SGCE: variants seen among roughly 807,000 people sequenced by gnomAD.
The protein encoded by SGCE is epsilon-sarcoglycan.
A neutral mutation model predicts 57.8 loss-of-function variants in SGCE; 26 were observed. The observed-to-expected ratio is 0.45, with a 90% CI of 0.33 to 0.62. The LOEUF is 0.62. Ranked by LOEUF, SGCE falls within the 20% of genes least tolerant of loss-of-function variation. The pLI is 0.02. For synonymous variants in SGCE, 183 were observed against 189.5 expected (o/e 0.97, Z 0.28); for missense variants, 468 against 548.6 (o/e 0.85, Z 1.47).
intron 1 of SGCE, 36 bp from the exon 2 acceptor site, chr7:94,629,877 C>A (rs746004264): frequency 1.2e-6 from 2 of 1,607,698 alleles, no homozygotes; most frequent in African/African-American, 2.7e-5. Flanking sequence ...GACAGAAAGA[C>A]AAATAATGAG....
chr7:94,623,514 T>C (rs1333147773), intron 3 of SGCE, 117 bp from the exon 4 acceptor site: 4 of 716,726 alleles, frequency 5.6e-6, no homozygotes, highest in Non-Finnish European at 7.3e-6. Context: ...TTTGTTGATA[T>C]ACTTACAAAA....
intron 8 of SGCE, 52 bp from the exon 9 acceptor site, chr7:94,599,015 G>A (rs1375002779): frequency 7.6e-7 from 1 of 1,323,948 alleles, no homozygotes; most frequent in Admixed American, 1.9e-5. Context: ...ATATTAGCCT[G>A]ATGGGTCATC....
chr7:94,607,769 G>C (rs549189185), intron 5 of SGCE, among the ~76,000 whole-genome samples: 1 of 152,116 alleles, frequency 6.6e-6, no homozygotes, highest in East Asian at 1.9e-4. Context: ...CATACTGGAA[G>C]TCCTAACTAA....
In SGCE at chr7:94,623,746, A is replaced by C. The variant is rs558518649; in HGVS notation, c.391-349T>G. 1.0e-5 allele frequency: 4 copies of C among 397,216 alleles called. 1 individual carries two copies. The South Asian group carries it at 3.8e-4, about 38-fold the overall frequency. The allele number at this position is 397,216 out of a possible 1,614,324, so 24.6% of individuals were successfully genotyped here. On this transcript the variant is annotated intron_variant, in intron 3 of 10. Coordinates refer to ENST00000648936, the MANE Select transcript of SGCE (RefSeq NM_003919.3). Reference sequence around the variant, plus strand: ...TGATGTTCTAAGATTTCAAAAAAAAAACAATAATTTTTGTACTTTTAAATG... The same window carrying C: ...TGATGTTCTAAGATTTCAAAAAAAACACAATAATTTTTGTACTTTTAAATG...
intron 9 of SGCE, among the ~76,000 whole-genome samples, chr7:94,591,787 GTGAAAAGACA>G (rs1434304732): frequency 6.6e-6 from 1 of 152,162 alleles, no homozygotes; most frequent in Admixed American, 6.6e-5. Flanking sequence ...GCTGGGCTAG[GTGAAAAGACA>G]TGGCTGGTTG....
intron 10 of SGCE, chr7:94,587,382 T>C (rs1227944701): frequency 9.2e-6 from 10 of 1,082,440 alleles, no homozygotes; most frequent in Non-Finnish European, 1.1e-5. Context: ...AGAAATTGCC[T>C]GCTTCCTACT....
At chr7:94,598,558 T>A (rs1485583241) in intron 9 of SGCE, 2 of 569,596 alleles carry the variant, frequency 3.5e-6, no homozygotes, top group East Asian at 3.1e-5. Flanking sequence ...GTATATGTAG[T>A]CTTGTTTGGA....
intron 9 of SGCE, among the ~76,000 whole-genome samples, chr7:94,594,768 T>G (rs576134302): frequency 1.3e-5 from 2 of 152,124 alleles, no homozygotes; most frequent in Non-Finnish European, 2.9e-5. Flanking sequence ...AAATAAAAAG[T>G]TTATTAAAGA....
intron 5 of SGCE, among the ~76,000 whole-genome samples, chr7:94,604,783 T>G (rs902606593): frequency 2.0e-5 from 2 of 102,000 alleles, no homozygotes; most frequent in African/African-American, 7.4e-5. Context: ...CATAGAATTA[T>G]TTTTTATAAC....
intron 1 of SGCE, among the ~76,000 whole-genome samples, chr7:94,653,255 G>T (rs1808138723): frequency 6.6e-6 from 1 of 152,084 alleles, no homozygotes; most frequent in African/African-American, 2.4e-5. Flanking sequence ...ATCCCACTTT[G>T]TTTTGAAATA....
At chr7:94,600,624 T>C in intron 7 of SGCE, 22 bp downstream of exon 7, 1 of 1,545,140 alleles carries the variant, frequency 6.5e-7, no homozygotes, top group East Asian at 2.2e-5. Context: ...TCTAATTATC[T>C]TATTAGTTTT....
At chr7:94,629,891 C>A (rs758862275) in intron 1 of SGCE, 50 bp from the exon 2 acceptor site, 7 of 1,602,656 alleles carry the variant, frequency 4.4e-6, no homozygotes, top group Non-Finnish European at 4.3e-6. Context: ...TAATGAGATA[C>A]GCCCTTGATA....
intron 5 of SGCE, among the ~76,000 whole-genome samples, chr7:94,606,753 T>C (rs1222372492): frequency 6.6e-6 from 1 of 152,180 alleles, no homozygotes; most frequent in Non-Finnish European, 1.5e-5. Flanking sequence ...ATGGAAATCA[T>C]ACACTGTCTG....
chr7:94,599,315 A>AT, intron 8 of SGCE: 1 of 290,810 alleles, frequency 3.4e-6, no homozygotes, highest in South Asian at 6.5e-5. Context: ...TGGGGCATTT[A>AT]TAAATACTCA....
chr7:94,585,459 G>A lies in SGCE; in HGVS notation c.*40C>T. 6.3e-7 allele frequency: 1 copy of A among 1,578,236 alleles called. No homozygotes were observed. ...AGAAATGTGATGTAACTGCTATATT[G>A]TCTGATTATAAATTCATTGCTTCAG... is the stretch of plus-strand genomic sequence containing the variant. On this transcript the variant is annotated 3_prime_UTR_variant, in exon 11 of 11. Coordinates refer to ENST00000648936, the MANE Select transcript of SGCE (RefSeq NM_003919.3).
chr7:94,629,776 C>G lies in SGCE; in HGVS notation c.175G>C (p.Val59Leu). The G allele has an allele frequency of 6.2e-7, 1 of 1,611,028 alleles. No homozygotes were observed. The highest frequency in any genetic ancestry group is 8.5e-7 in the Non-Finnish European group (1 of 1,177,794). Residue 59 changes from valine to leucine, a missense_variant, in exon 2 of 11, where the codon GTT becomes CTT. By Grantham distance (32) the Val-to-Leu change is conservative. Coordinates refer to ENST00000648936, the MANE Select transcript of SGCE (RefSeq NM_003919.3). ...NVYPSAGVLF[V>L]HVLEREYFKG... Reference sequence around the variant, plus strand: ...AAATATTCTCTTTCCAAAACATGAACAAAGAGGACACCTGCTGATGGGTAT... The same window carrying G: ...AAATATTCTCTTTCCAAAACATGAAGAAAGAGGACACCTGCTGATGGGTAT...
rs2116882880 is a variant in SGCE at position 94,618,969 on chromosome 7, A to C, written c.464-13T>G. 1 of 1,569,182 alleles carries C rather than the reference A, an allele frequency of 6.4e-7. No individual in the cohort carries two copies. The highest frequency in any genetic ancestry group is 2.2e-5 in the East Asian group (1 of 44,640). On this transcript the variant is annotated splice_polypyrimidine_tract_variant and intron_variant, in intron 4 of 10. Coordinates refer to ENST00000648936, the MANE Select transcript of SGCE (RefSeq NM_003919.3). The stretch of plus-strand genomic sequence containing the variant: ...GGCAACGGGAAGTCTAATTTTGGTG[A>C]AAAAGGGCATGCATATCTTTAATGA...
intron 3 of SGCE, chr7:94,627,985 C>T: frequency 2.0e-6 from 1 of 510,044 alleles, no homozygotes; most frequent in Admixed American, 3.2e-5. Flanking sequence ...CAAATTTAGA[C>T]TGTCATTTTT....
intron 4 of SGCE, chr7:94,619,315 AAATC>A: frequency 5.5e-6 from 1 of 182,340 alleles, no homozygotes; most frequent in Non-Finnish European, 1.1e-5. Flanking sequence ...TCTGAAATAA[AAATC>A]AATTATATGT....
Sources: gnomAD v4.1 joint callset for allele counts (sites outside exome capture counted in the v4.1 genomes callset) on GRCh38, gnomAD v4.1.1 for gene constraint, MANE v1.5 for transcripts, NCBI Gene and HGNC (gene_info 2026-07-23, HGNC 2026-07-21) for gene names.